CDH13: variants seen among roughly 807,000 people sequenced by gnomAD.
CDH13 encodes cadherin 13.
Under a neutral mutation model 63.8 loss-of-function variants are expected in CDH13, and 24 were observed. The ratio of observed to expected loss-of-function variants is 0.38; its 90% confidence interval spans 0.27 to 0.53. The LOEUF (loss-of-function observed/expected upper bound fraction) is 0.53, where lower values mean the gene tolerates loss of function less well. CDH13 is among the 20% of genes least tolerant of loss of function. The pLI is 0.85. For missense variants in CDH13, 1,049 were observed against 903.1 expected, an observed-to-expected ratio of 1.16 and a Z score of -2.07; for synonymous variants, 503 against 355.3, an observed-to-expected ratio of 1.42 and a Z score of -4.67.
At chr16:83,294,626 A>G (rs1023321988) in intron 5 of CDH13, among the ~76,000 whole-genome samples, 1 of 151,726 alleles carries the variant, frequency 6.6e-6, no homozygotes, top group Non-Finnish European at 1.5e-5. Context: ...GTGTATATAT[A>G]TATGTGATAT....
intron 7 of CDH13, among the ~76,000 whole-genome samples, chr16:83,487,878 G>A (rs1293028222): frequency 1.3e-5 from 2 of 152,172 alleles, no homozygotes; most frequent in Non-Finnish European, 2.9e-5. Flanking sequence ...AAGAGATTCT[G>A]GATTACATCA....
chr16:83,045,318 A>G (rs998493971), intron 3 of CDH13, among the ~76,000 whole-genome samples: 2 of 152,146 alleles, frequency 1.3e-5, no homozygotes, highest in African/African-American at 4.8e-5. Context: ...AGATTTCCAA[A>G]TGTAAATGTC....
intron 2 of CDH13, among the ~76,000 whole-genome samples, chr16:82,868,721 G>T (rs1370968208): frequency 6.6e-6 from 1 of 152,172 alleles, no homozygotes; most frequent in Non-Finnish European, 1.5e-5. Context: ...GTCCTGTTTG[G>T]CTGCTTAGTG....
intron 5 of CDH13, among the ~76,000 whole-genome samples, chr16:83,270,469 T>C (rs1013201368): frequency 6.6e-6 from 1 of 152,158 alleles, no homozygotes; most frequent in African/African-American, 2.4e-5. Flanking sequence ...GCCACCCCCA[T>C]TGTGAAATTT....
intron 3 of CDH13, among the ~76,000 whole-genome samples, chr16:83,074,406 C>T (rs1374171010): frequency 1.3e-5 from 2 of 152,154 alleles, no homozygotes; most frequent in African/African-American, 2.4e-5. Flanking sequence ...CACTGATGGG[C>T]ACAAGGTCCG....
intron 3 of CDH13, among the ~76,000 whole-genome samples, chr16:83,111,002 C>CA (rs398030036): frequency 0.44 from 46,743 of 106,164 alleles, 11,132 homozygotes; most frequent in Middle Eastern, 0.64. Flanking sequence ...TAGGTTGTTG[C>CA]AAAAAAAAAA....
At chr16:83,209,779 A>G (rs1281466377) in intron 4 of CDH13, among the ~76,000 whole-genome samples, 1 of 152,038 alleles carries the variant, frequency 6.6e-6, no homozygotes, top group Non-Finnish European at 1.5e-5. Context: ...GAGGAGGGCT[A>G]GAGCTCAGGT....
chr16:82,711,680 G>A lies in CDH13; in HGVS notation c.45+84543G>A, dbSNP rs144192290. Among the ~76,000 whole-genome samples, 426 of 152,256 alleles carry A rather than the reference G, an allele frequency of 2.8e-3. 3 individuals are homozygous for A. Among genetic ancestry groups the A allele is most frequent in the African/African-American group, 9.2e-3 (384 of 41,548 alleles). ...GGGAAAGTCAGGACTGGGATCCAGC[G>A]TATAGTCACTTGCTACGGCTATTCC... On this transcript the variant is annotated intron_variant, in intron 1 of 13. Transcript: ENST00000567109.
intron 1 of CDH13, among the ~76,000 whole-genome samples, chr16:82,857,296 G>A (rs147156228): frequency 6.6e-6 from 1 of 152,202 alleles, no homozygotes; most frequent in African/African-American, 2.4e-5. Flanking sequence ...CATATGGTGA[G>A]TTTAGCACAT....
At chr16:83,488,515 G>A (rs1414365677) in intron 7 of CDH13, among the ~76,000 whole-genome samples, 1 of 152,166 alleles carries the variant, frequency 6.6e-6, no homozygotes, top group Non-Finnish European at 1.5e-5. Context: ...TTTGGAAAAT[G>A]TAATCGTTTC....
chr16:83,713,167 G>A (rs1908320118), intron 10 of CDH13, among the ~76,000 whole-genome samples: 1 of 152,204 alleles, frequency 6.6e-6, no homozygotes, highest in Non-Finnish European at 1.5e-5. Context: ...TGGGAAAGGA[G>A]CAGCTGCCTG....
chr16:83,189,983 T>C (rs2038646267), intron 4 of CDH13, among the ~76,000 whole-genome samples: 1 of 152,146 alleles, frequency 6.6e-6, no homozygotes, highest in Admixed American at 6.5e-5. Context: ...GTGACTTTGC[T>C]CCTCATTCAC....
intron 3 of CDH13, among the ~76,000 whole-genome samples, chr16:83,080,563 C>T (rs7190042): frequency 0.016 from 2,502 of 151,996 alleles, 69 homozygotes; most frequent in African/African-American, 0.058. Context: ...TGTTATTAGT[C>T]CCGTTTTAAA....
chr16:83,477,563 G>T (rs539462767), intron 6 of CDH13, among the ~76,000 whole-genome samples: 24 of 152,236 alleles, frequency 1.6e-4, no homozygotes, highest in Admixed American at 9.8e-4. Flanking sequence ...CTCCCACAGG[G>T]TGAGATCTCT....
At chr16:83,171,572 G>A (rs2037919287) in intron 4 of CDH13, 1 of 1,532,758 alleles carries the variant, frequency 6.5e-7, no homozygotes, top group Admixed American at 2.0e-5. Context: ...CATGAGATAA[G>A]TGCACAGGAA....
chr16:83,134,248 A>C (rs1667174871), intron 4 of CDH13, among the ~76,000 whole-genome samples: 1 of 152,034 alleles, frequency 6.6e-6, no homozygotes, highest in Non-Finnish European at 1.5e-5. Context: ...GCTGGAGTGC[A>C]GTGGCACAAT....
intron 1 of CDH13, among the ~76,000 whole-genome samples, chr16:82,768,786 C>G (rs2035155977): frequency 6.6e-6 from 1 of 152,120 alleles, no homozygotes; most frequent in South Asian, 2.1e-4. Context: ...GCTGTCTAAC[C>G]CAGCAGACCA....
chr16:83,152,020 A>G (rs2151696109), intron 4 of CDH13, among the ~76,000 whole-genome samples: 1 of 152,344 alleles, frequency 6.6e-6, no homozygotes, highest in Non-Finnish European at 1.5e-5. Flanking sequence ...CAAAAAAAAA[A>G]AGAATATTTA....
intron 5 of CDH13, among the ~76,000 whole-genome samples, chr16:83,240,643 T>C (rs1472441767): frequency 7.0e-6 from 1 of 142,076 alleles, no homozygotes; most frequent in African/African-American, 2.6e-5. Flanking sequence ...AGTGGGAAGA[T>C]TTTTTAAATA....
Sources: allele counts gnomAD v4.1 joint callset (sites outside exome capture counted in the v4.1 genomes callset), GRCh38; gene constraint gnomAD v4.1.1; transcripts MANE v1.5; gene names NCBI Gene and HGNC (gene_info 2026-07-23, HGNC 2026-07-21).